The following STK3 variants were observed in gnomAD, a reference collection of about 807,000 sequenced individuals.
The protein encoded by STK3 is serine/threonine kinase 3.
STK3 carries 41 observed loss-of-function variants against 58.0 expected under a neutral mutation model. The ratio of observed to expected loss-of-function variants is 0.71; its 90% CI spans 0.55 to 0.92. The LOEUF is 0.92. STK3 is among the 40% of genes least tolerant of loss of function. STK3 has a pLI of 0.00. For synonymous variants in STK3, 170 were observed against 191.0 expected (o/e 0.89, Z 0.91); for missense variants, 479 against 602.7 (o/e 0.79, Z 2.15).
downstream of STK3, among the ~76,000 whole-genome samples, chr8:98,366,494 T>A (rs1817565979): frequency 6.6e-6 from 1 of 152,240 alleles, no homozygotes; most frequent in African/African-American, 2.4e-5. Context: ...AGCATTTAGG[T>A]CCTTAAGCCA....
At chr8:98,406,270 AT>A (rs112335172) in intron 3 of STK3, among the ~76,000 whole-genome samples, 19 of 111,482 alleles carry the variant, frequency 1.7e-4, no homozygotes, top group South Asian at 8.2e-4. Context: ...ATTTTATTTT[AT>A]TTTATTTTAT....
intron 4 of STK3, among the ~76,000 whole-genome samples, chr8:98,713,848 T>C (rs1826758391): frequency 3.3e-5 from 5 of 152,022 alleles, no homozygotes; most frequent in Admixed American, 2.0e-4. Flanking sequence ...TTTAGACCAA[T>C]ATCCCTGATG....
At chr8:98,446,430 C>T (rs1818952566) in intron 1 of STK3, among the ~76,000 whole-genome samples, 1 of 152,070 alleles carries the variant, frequency 6.6e-6, no homozygotes, top group South Asian at 2.1e-4. Context: ...CTCATGGGTG[C>T]CAGGTAGTGT....
chr8:98,853,449 T>C (rs763977813), intron 3 of STK3, among the ~76,000 whole-genome samples: 36 of 152,194 alleles, frequency 2.4e-4, no homozygotes, highest in Non-Finnish European at 2.4e-4. Context: ...TGTGTTTTCT[T>C]CTATTGCTGT....
the STK3 span, among the ~76,000 whole-genome samples, chr8:98,359,533 A>G: frequency 3.3e-3 from 466 of 142,384 alleles, 3 homozygotes; most frequent in Middle Eastern, 7.4e-3. Context: ...AAAAAAAAAA[A>G]AAAGAAAGAA....
intron 3 of STK3, among the ~76,000 whole-genome samples, chr8:98,835,631 C>A (rs1231101011): frequency 6.6e-6 from 1 of 152,234 alleles, no homozygotes; most frequent in African/African-American, 2.4e-5. Context: ...TGAGACACCT[C>A]ACCATGAACA....
intron 6 of STK3, among the ~76,000 whole-genome samples, chr8:98,673,362 C>T (rs1339484229): frequency 6.6e-6 from 1 of 152,104 alleles, no homozygotes; most frequent in African/African-American, 2.4e-5. Flanking sequence ...AGATATAGTA[C>T]TAACACCCAC....
chr8:98,353,869 G>A, the STK3 span, among the ~76,000 whole-genome samples: 1 of 151,630 alleles, frequency 6.6e-6, no homozygotes, highest in East Asian at 2.0e-4. Context: ...TACTTTTGTT[G>A]TTCTCTGGGC....
At chr8:98,871,503 T>C (rs1234177931) in intron 3 of STK3, among the ~76,000 whole-genome samples, 1 of 152,346 alleles carries the variant, frequency 6.6e-6, no homozygotes, top group East Asian at 1.9e-4. Context: ...TTTGTTTGTG[T>C]CCTCTTTTAT....
chr8:98,518,870 G>A (rs1314194869), intron 10 of STK3, among the ~76,000 whole-genome samples: 1 of 152,078 alleles, frequency 6.6e-6, no homozygotes, highest in Non-Finnish European at 1.5e-5. Flanking sequence ...AGCACAATAT[G>A]CCACATACAC....
intron 1 of STK3, among the ~76,000 whole-genome samples, chr8:98,914,232 C>G (rs893494708): frequency 7.2e-5 from 11 of 151,960 alleles, no homozygotes; most frequent in Admixed American, 1.3e-4. Flanking sequence ...AGGCAGATCC[C>G]TTGAGGAGTT....
intron 3 of STK3, among the ~76,000 whole-genome samples, chr8:98,758,708 G>C (rs550025125): frequency 6.6e-6 from 1 of 152,322 alleles, no homozygotes; most frequent in East Asian, 1.9e-4. Context: ...TCTCCTTCCA[G>C]TAGAAGGCTG....
chr8:98,653,191 C>G (rs896798276), intron 6 of STK3, among the ~76,000 whole-genome samples: 3 of 152,186 alleles, frequency 2.0e-5, no homozygotes, highest in African/African-American at 7.2e-5. Context: ...CTCAAAACCG[C>G]TCAACTACAT....
At chr8:98,768,534 T>G (rs530058247) in intron 2 of STK3, among the ~76,000 whole-genome samples, 43 of 152,324 alleles carry the variant, frequency 2.8e-4, no homozygotes, top group African/African-American at 1.0e-3. Flanking sequence ...AAAGTCACAT[T>G]GGGCTGGGTG....
intron 6 of STK3, among the ~76,000 whole-genome samples, chr8:98,621,762 G>C (rs968117436): frequency 2.6e-5 from 4 of 151,990 alleles, no homozygotes; most frequent in Non-Finnish European, 4.4e-5. Flanking sequence ...GAAGCTCAGA[G>C]TGTTGTTTTT....
At chr8:98,461,803 T>C (rs1010041711) in intron 10 of STK3, among the ~76,000 whole-genome samples, 2 of 152,244 alleles carry the variant, frequency 1.3e-5, no homozygotes, top group African/African-American at 2.4e-5. Context: ...AGGTTAAAGA[T>C]AGGACCCCAG....
At chr8:98,403,348 G>T (rs1817963019) in intron 3 of STK3, among the ~76,000 whole-genome samples, 1 of 152,210 alleles carries the variant, frequency 6.6e-6, no homozygotes, top group East Asian at 1.9e-4. Flanking sequence ...CCCCATAGAA[G>T]TACCCCCTAA....
At chr8:98,693,620 G>T (rs1044250967) in intron 6 of STK3, among the ~76,000 whole-genome samples, 1 of 152,128 alleles carries the variant, frequency 6.6e-6, no homozygotes, top group African/African-American at 2.4e-5. Flanking sequence ...GCTAAATGAA[G>T]ATACTCCTCT....
At chr8:98,841,280 G>C (rs1008209587) in intron 3 of STK3, among the ~76,000 whole-genome samples, 1 of 152,208 alleles carries the variant, frequency 6.6e-6, no homozygotes, top group African/African-American at 2.4e-5. Flanking sequence ...TTTTGGGAGG[G>C]AGGGATATGT....
Sources: allele counts gnomAD v4.1 joint callset (sites outside exome capture counted in the v4.1 genomes callset), GRCh38; gene constraint gnomAD v4.1.1; transcripts MANE v1.5; gene names NCBI Gene and HGNC (gene_info 2026-07-23, HGNC 2026-07-21).